Variants in TRUB1 observed in about 807,000 individuals in gnomAD.
The protein encoded by TRUB1 is TruB pseudouridine synthase family member 1, also known as pseudouridylate synthase TRUB1.
Under a neutral mutation model 33.9 loss-of-function variants are expected in TRUB1, and 23 were observed. That is an observed-to-expected ratio of 0.68 (90% CI 0.49 to 0.96). The LOEUF (loss-of-function observed/expected upper bound fraction) is 0.96, where lower values mean the gene tolerates loss of function less well. Among genes scored for constraint, TRUB1 ranks in the 40% least tolerant of loss-of-function variants. The pLI is 0.00. For synonymous variants in TRUB1, 163 were observed against 165.4 expected (o/e 0.99, Z 0.11); for missense variants, 378 against 422.2 (o/e 0.90, Z 0.92).
chr10:114,957,785 A>AG (rs770526671), intron 3 of TRUB1, among the ~76,000 whole-genome samples: 11 of 152,214 alleles, frequency 7.2e-5, no homozygotes, highest in Non-Finnish European at 1.5e-4. Flanking sequence ...AGAATACTGC[A>AG]GATACATTCA....
At chr10:114,973,846 G>A (rs888622447) in intron 6 of TRUB1, among the ~76,000 whole-genome samples, 1 of 152,038 alleles carries the variant, frequency 6.6e-6, no homozygotes, top group Non-Finnish European at 1.5e-5. Context: ...GTGAAAAGGG[G>A]TTTTTGGTTG....
In TRUB1 at chr10:114,970,631, G is replaced by A. The variant is rs141822490; in HGVS notation, c.596+191G>A. On this transcript the variant is annotated intron_variant, in intron 5 of 7. Transcript: ENST00000298746. ...ACACTCTAAGAGGCAGTGGAATGTG[G>A]TCTTCTTTGTTTCTGAGTGTGGCCC... 6.6e-3 allele frequency among the ~76,000 whole-genome samples: 1,008 copies of A among 152,330 alleles called. 10 individuals are homozygous for A. The highest frequency in any genetic ancestry group is 0.023 in the African/African-American group (971 of 41,566).
chr10:114,938,513 A>C lies in TRUB1; in HGVS notation c.260A>C (p.Asn87Thr). The C allele has an allele frequency of 6.4e-7, 1 of 1,558,156 alleles. No individual in the cohort carries two copies. Among genetic ancestry groups the C allele is most frequent in the Non-Finnish European group, 8.7e-7 (1 of 1,155,758 alleles). Reference sequence around the variant, plus strand: ...GGGCCCACTTCAGCCGAGCTGCTGAATCGGTTGAAGGAGAAGCTGCTGGCA... The same window carrying C: ...GGGCCCACTTCAGCCGAGCTGCTGACTCGGTTGAAGGAGAAGCTGCTGGCA... The part of the protein sequence containing the change: ...PKGPTSAELL[N>T]RLKEKLLAEA... The change falls in exon 1 of 8, where the codon AAT becomes ACT. Residue 87 changes from asparagine (N) to threonine (T), a missense_variant. Coordinates refer to ENST00000298746, the MANE Select transcript of TRUB1 (RefSeq NM_139169.5).
At chr10:114,956,440 C>G (rs746043865) in intron 3 of TRUB1, among the ~76,000 whole-genome samples, 1 of 152,024 alleles carries the variant, frequency 6.6e-6, no homozygotes, top group Non-Finnish European at 1.5e-5. Flanking sequence ...TCTTCTATCC[C>G]AATATCTTTT....
rs113353828 is a variant in TRUB1, at chr10:114,940,365, C to T, written c.286+1826C>T. Among the ~76,000 whole-genome samples the T allele has an allele frequency of 3.7e-3, 569 of 152,296 alleles. 1 individual carries two copies. The highest frequency in any genetic ancestry group is 0.012 in the African/African-American group (514 of 41,556). ...CGAACTCCCGACCTCAGGTGATCTG[C>T]CCGCCTCAGCCTCCCAAAATGCTGG... On this transcript the variant is annotated intron_variant, in intron 1 of 7. Transcript: ENST00000298746.
At chr10:114,947,181 A>G (rs1005539650) in intron 2 of TRUB1, among the ~76,000 whole-genome samples, 2 of 142,052 alleles carry the variant, frequency 1.4e-5, no homozygotes, top group Admixed American at 7.0e-5. Context: ...TGGAGGAGGC[A>G]AAAAAAAAAA....
intron 4 of TRUB1, among the ~76,000 whole-genome samples, chr10:114,963,984 TGTGTGTGCGTGTGCAC>T (rs1395630788): frequency 6.6e-6 from 1 of 152,104 alleles, no homozygotes; most frequent in East Asian, 1.9e-4. Flanking sequence ...TGTGTGTGTG[TGTGTGTGCGTGTGCAC>T]GTGTGTGCCT....
At chr10:114,947,611 T>C (rs1228496402) in intron 2 of TRUB1, among the ~76,000 whole-genome samples, 1 of 152,250 alleles carries the variant, frequency 6.6e-6, no homozygotes, top group African/African-American at 2.4e-5. Flanking sequence ...AAAGTTGAGA[T>C]CTACTTCACT....
At chr10:114,954,854 GA>G (rs1482316111) in intron 3 of TRUB1, among the ~76,000 whole-genome samples, 1 of 151,768 alleles carries the variant, frequency 6.6e-6, no homozygotes, top group Non-Finnish European at 1.5e-5. Context: ...GTAGACACCT[GA>G]AATTAATTTT....
chr10:114,959,669 C>T, intron 3 of TRUB1, 57 bp from the exon 4 acceptor site: 1 of 1,074,406 alleles, frequency 9.3e-7, no homozygotes, highest in Non-Finnish European at 1.4e-6. Context: ...TCAAGACATG[C>T]ATAACAGTTT....
At chr10:114,973,178 C>A (rs1230853493) in intron 6 of TRUB1, among the ~76,000 whole-genome samples, 3 of 151,854 alleles carry the variant, frequency 2.0e-5, no homozygotes, top group Admixed American at 2.0e-4. Context: ...TCTTCATGTT[C>A]CTGCTTCTAA....
intron 5 of TRUB1, among the ~76,000 whole-genome samples, chr10:114,971,199 C>T (rs1442824003): frequency 1.3e-5 from 2 of 152,160 alleles, no homozygotes; most frequent in Non-Finnish European, 2.9e-5. Flanking sequence ...CGCCCTACGA[C>T]CTAATTACCT....
chr10:114,965,023 G>A (rs571751884), intron 4 of TRUB1, among the ~76,000 whole-genome samples: 4 of 149,136 alleles, frequency 2.7e-5, no homozygotes, highest in East Asian at 2.1e-4. Flanking sequence ...TCCGCCTCCC[G>A]GGTTCATGCC....
At chr10:114,944,262 G>A (rs1262235378) in intron 2 of TRUB1, among the ~76,000 whole-genome samples, 2 of 151,948 alleles carry the variant, frequency 1.3e-5, no homozygotes, top group Non-Finnish European at 2.9e-5. Context: ...CAAAAATTAG[G>A]TACAAAGAAA....
At chr10:114,975,065 C>G (rs996933356) in intron 7 of TRUB1, 58 bp from the exon 8 acceptor site, 43 of 1,542,620 alleles carry the variant, frequency 2.8e-5, no homozygotes, top group Middle Eastern at 3.5e-4. Flanking sequence ...CAATTACAGA[C>G]TATGAAATAC....
chr10:114,962,836 A>G (rs916884051), intron 4 of TRUB1, among the ~76,000 whole-genome samples: 1 of 152,216 alleles, frequency 6.6e-6, no homozygotes, highest in Non-Finnish European at 1.5e-5. Flanking sequence ...AGAATGACAT[A>G]TATGACATAT....
intron 2 of TRUB1, among the ~76,000 whole-genome samples, chr10:114,944,515 C>G (rs753469927): frequency 1.2e-4 from 18 of 151,914 alleles, no homozygotes; most frequent in Non-Finnish European, 2.2e-4. Context: ...AAAAATTAGC[C>G]GGGCATGGTG....
rs1445461728 is a variant in TRUB1, at chr10:114,942,640, CAT to C, written c.287-3_287-2del. 3 of 1,606,204 alleles carry C rather than the reference CAT, an allele frequency of 1.9e-6. No individual in the cohort carries two copies. The highest frequency in any genetic ancestry group is 2.6e-6 in the Non-Finnish European group (3 of 1,172,912). ...CACCTTTTTTCATCCCCATTTCTCTCATAGAAGCTGGAATGCCTTCTCCAGAA... is the reference window on the plus strand; with the variant it reads ...CACCTTTTTTCATCCCCATTTCTCTCAGAAGCTGGAATGCCTTCTCCAGAA... On this transcript the variant is annotated splice_region_variant and splice_polypyrimidine_tract_variant and intron_variant, in intron 1 of 7. Transcript: ENST00000298746.
At chr10:114,964,646 GTTA>G (rs1215724984) in intron 4 of TRUB1, among the ~76,000 whole-genome samples, 1 of 152,120 alleles carries the variant, frequency 6.6e-6, no homozygotes, top group Non-Finnish European at 1.5e-5. Flanking sequence ...TCTAGAAGCT[GTTA>G]TTGCTTTGCC....
Sources: gnomAD v4.1 joint callset for allele counts (sites outside exome capture counted in the v4.1 genomes callset) on GRCh38, gnomAD v4.1.1 for gene constraint, MANE v1.5 for transcripts, NCBI Gene and HGNC (gene_info 2026-07-23, HGNC 2026-07-21) for gene names.